Variants in PDE10A observed in about 807,000 individuals in gnomAD.
PDE10A encodes the protein cAMP and cAMP-inhibited cGMP 3',5'-cyclic phosphodiesterase 10A.
A neutral mutation model predicts 97.7 loss-of-function variants in PDE10A; 39 were observed. That is an observed-to-expected ratio of 0.40 (90% CI 0.31 to 0.52). The LOEUF (loss-of-function observed/expected upper bound fraction) is 0.52, where lower values mean the gene tolerates loss of function less well. Ranked by LOEUF, PDE10A falls within the 20% of genes least tolerant of loss-of-function variation. PDE10A has a pLI of 0.56. For synonymous variants in PDE10A, 371 were observed against 376.8 expected (o/e 0.98, Z 0.18); for missense variants, 731 against 1,047.8 (o/e 0.70, Z 4.17).
chr6:165,752,444 A>T (rs892037772), intron 1 of PDE10A, among the ~76,000 whole-genome samples: 1 of 152,292 alleles, frequency 6.6e-6, no homozygotes, highest in East Asian at 1.9e-4. Context: ...TGGCCTAGAC[A>T]CTGCAAGATA....
At chr6:165,732,498 C>T (rs1236954804) in intron 1 of PDE10A, among the ~76,000 whole-genome samples, 3 of 152,224 alleles carry the variant, frequency 2.0e-5, no homozygotes. Context: ...AGGTGGGCGA[C>T]TCCACTGGAG....
chr6:165,418,152 T>C lies in PDE10A; in HGVS notation c.1796+483A>G, dbSNP rs1028724157. Among the ~76,000 whole-genome samples the C allele has an allele frequency of 1.3e-5, 2 of 152,178 alleles. No homozygotes were observed. The stretch of plus-strand genomic sequence containing the variant: ...TCAGTTTCAAGATGCAACACAGGTG[T>C]GCTATGTGATTGATTAAAACAGCTG... On this transcript the variant is annotated intron_variant, in intron 11 of 21. Transcript: ENST00000539869. This position sits in a 1 kb window ranked among gnomAD's most constrained non-coding sequence, Gnocchi z 4.8.
intron 2 of PDE10A, among the ~76,000 whole-genome samples, chr6:165,542,351 A>T (rs1219583122): frequency 6.6e-6 from 1 of 152,140 alleles, no homozygotes; most frequent in Non-Finnish European, 1.5e-5. Flanking sequence ...TGAGGAAAAA[A>T]TTATTTTGCT....
intron 3 of PDE10A, among the ~76,000 whole-genome samples, chr6:165,461,745 A>C (rs2128259701): frequency 6.6e-6 from 1 of 152,388 alleles, no homozygotes; most frequent in East Asian, 1.9e-4. Flanking sequence ...TTGCTAATGC[A>C]ATATCTAATG....
chr6:165,366,457 G>GAAT (rs373024218), intron 18 of PDE10A, among the ~76,000 whole-genome samples: 1 of 152,042 alleles, frequency 6.6e-6, no homozygotes, highest in African/African-American at 2.4e-5. Flanking sequence ...GGTAATCATA[G>GAAT]AATAATAATA....
intron 1 of PDE10A, among the ~76,000 whole-genome samples, chr6:165,622,630 T>C (rs1788199273): frequency 6.6e-6 from 1 of 152,192 alleles, no homozygotes; most frequent in South Asian, 2.1e-4. Context: ...AACATCCTTA[T>C]ATAGTGGGTG....
intron 1 of PDE10A, among the ~76,000 whole-genome samples, chr6:165,870,508 A>C (rs74347923): frequency 2.6e-3 from 390 of 152,330 alleles, no homozygotes; most frequent in East Asian, 7.3e-3. Context: ...TCTTAGTAGG[A>C]ATGCAAATTA....
chr6:165,574,097 G>A (rs1307082045), intron 1 of PDE10A, among the ~76,000 whole-genome samples: 1 of 152,078 alleles, frequency 6.6e-6, no homozygotes, highest in Admixed American at 6.5e-5. Flanking sequence ...TTCAACATAT[G>A]GCATTAATAA....
At position 165,413,532 on chromosome 6, in the gene PDE10A, A is replaced by T; in HGVS notation, c.2045T>A (p.Val682Asp). The change falls in exon 13 of 22, where the codon GTC becomes GAC. Residue 682 changes from valine (V) to aspartate (D), a missense_variant. Val to Asp is a radical substitution (Grantham distance 152). This residue lies in a region of PDE10A where 4 missense variants were observed against 32.1 expected (regional missense o/e 0.12). Transcript: ENST00000539869. ...ACAGTGTAAGGCTAAAGCACAAAAG[A>T]CGGCAAACATTTTGAAGTTGTTTTC... ...TDENNFKMFA[V>D]FCALALHCAN... The T allele has an allele frequency of 6.2e-7, 1 of 1,614,130 alleles. No homozygotes were observed. The highest frequency in any genetic ancestry group is 8.5e-7 in the Non-Finnish European group (1 of 1,179,962).
intron 2 of PDE10A, among the ~76,000 whole-genome samples, chr6:165,542,612 C>CTT (rs545149187): frequency 0.015 from 1,176 of 76,426 alleles, 136 homozygotes; most frequent in African/African-American, 0.027. Flanking sequence ...TGTCCTTGTT[C>CTT]TTTTTTTTTT....
At chr6:165,595,917 G>C (rs908928338) in intron 1 of PDE10A, among the ~76,000 whole-genome samples, 1 of 152,116 alleles carries the variant, frequency 6.6e-6, no homozygotes, top group African/African-American at 2.4e-5. Context: ...ATCTACCTTG[G>C]TGATTATGTT....
chr6:165,812,693 T>C (rs1562749199), intron 1 of PDE10A, among the ~76,000 whole-genome samples: 1 of 152,206 alleles, frequency 6.6e-6, no homozygotes, highest in Non-Finnish European at 1.5e-5. Context: ...ATGTTTGATT[T>C]TATATGTTCT....
At position 165,765,576 on chromosome 6, in the gene PDE10A, C is replaced by G. The variant is rs554799026; in HGVS notation, c.-615+221953G>C. 5.4e-3 allele frequency among the ~76,000 whole-genome samples: 815 copies of G among 152,320 alleles called. 9 individuals are homozygous for G. Among genetic ancestry groups the G allele is most frequent in the African/African-American group, 0.019 (787 of 41,584 alleles). On this transcript the variant is annotated intron_variant, in intron 1 of 19. Transcript: ENST00000366882. Reference sequence around the variant, plus strand: ...GGCCGGCAGGGCCGGCTGGCTGCTCCGAGTGCGGGGCCCGCCAAGCCCACG... The same window carrying G: ...GGCCGGCAGGGCCGGCTGGCTGCTCGGAGTGCGGGGCCCGCCAAGCCCACG...
chr6:165,359,542 C>A (rs1583108933), intron 18 of PDE10A, among the ~76,000 whole-genome samples: 1 of 152,146 alleles, frequency 6.6e-6, no homozygotes, highest in South Asian at 2.1e-4. Flanking sequence ...ATAATTTTCA[C>A]TTCTCTGCTA....
At chr6:165,676,448 G>C (rs983192089) in intron 1 of PDE10A, among the ~76,000 whole-genome samples, 2 of 152,232 alleles carry the variant, frequency 1.3e-5, no homozygotes, top group Non-Finnish European at 2.9e-5. Flanking sequence ...AAACCGGACA[G>C]GTGCCGCAGA....
intron 1 of PDE10A, among the ~76,000 whole-genome samples, chr6:165,747,207 T>A (rs1033455386): frequency 7.9e-5 from 12 of 152,264 alleles, no homozygotes; most frequent in Admixed American, 1.3e-4. Flanking sequence ...AACATTTTTT[T>A]AAAATTTGAA....
At chr6:165,442,116 T>G (rs933560353) in intron 5 of PDE10A, among the ~76,000 whole-genome samples, 2 of 152,210 alleles carry the variant, frequency 1.3e-5, no homozygotes, top group African/African-American at 4.8e-5. Flanking sequence ...TACCTCAGAC[T>G]GGGTCATTTA....
At chr6:165,876,383 C>A (rs1781346110) in intron 1 of PDE10A, among the ~76,000 whole-genome samples, 1 of 152,040 alleles carries the variant, frequency 6.6e-6, no homozygotes. Context: ...ATTTGAAGAC[C>A]AGTTAATCTG....
At chr6:165,645,619 T>C (rs927667415) in intron 1 of PDE10A, among the ~76,000 whole-genome samples, 1 of 152,018 alleles carries the variant, frequency 6.6e-6, no homozygotes, top group Non-Finnish European at 1.5e-5. Context: ...TTTGGGAGGC[T>C]GAGGTGGGCA....
Sources: allele counts gnomAD v4.1 joint callset (sites outside exome capture counted in the v4.1 genomes callset), GRCh38; gene constraint gnomAD v4.1.1; regional missense constraint gnomAD v4.1.1; non-coding constraint Gnocchi (gnomAD v3.1); transcripts MANE v1.5; gene names NCBI Gene and HGNC (gene_info 2026-07-23, HGNC 2026-07-21).